MAPK4: variants seen among roughly 807,000 people sequenced by gnomAD.
MAPK4 encodes the protein mitogen-activated protein kinase 4, also known as Erk3-related.
A neutral mutation model predicts 47.7 loss-of-function variants in MAPK4; 22 were observed. That is an observed-to-expected ratio of 0.46 (90% CI 0.33 to 0.66). MAPK4 has a LOEUF of 0.66. Ranked by LOEUF, MAPK4 falls within the 30% of genes least tolerant of loss-of-function variation. MAPK4 has a pLI of 0.02. For synonymous variants in MAPK4, 390 were observed against 365.7 expected, an observed-to-expected ratio of 1.07 and a Z score of -0.76; for missense variants, 736 against 831.7, an observed-to-expected ratio of 0.88 and a Z score of 1.42.
chr18:50,651,816 G>C (rs370683396), intron 1 of MAPK4, among the ~76,000 whole-genome samples: 4 of 152,116 alleles, frequency 2.6e-5, no homozygotes, highest in African/African-American at 9.7e-5. Context: ...TGATGCTCCC[G>C]CCAGTCTCCA....
At chr18:50,651,163 G>C (rs543607469) in intron 1 of MAPK4, among the ~76,000 whole-genome samples, 2 of 152,220 alleles carry the variant, frequency 1.3e-5, no homozygotes, top group African/African-American at 2.4e-5. Context: ...TGGGGTTCCC[G>C]TTGAGGCTCT....
intron 2 of MAPK4, among the ~76,000 whole-genome samples, chr18:50,690,760 C>T (rs377743323): frequency 1.5e-4 from 23 of 152,316 alleles, no homozygotes; most frequent in African/African-American, 5.5e-4. Context: ...TGAGGAACGA[C>T]ATTCACTCTG....
chr18:50,626,981 C>T (rs1442157805), intron 1 of MAPK4, among the ~76,000 whole-genome samples: 6 of 152,286 alleles, frequency 3.9e-5, no homozygotes, highest in East Asian at 3.9e-4. Context: ...GTCATTAGGC[C>T]TTGTCACTGT....
rs1908325916 is a variant in MAPK4 at position 50,677,273 on chromosome 18, C to G, written c.546+12769C>G. Among the ~76,000 whole-genome samples, 4 of 152,302 alleles carry G rather than the reference C, an allele frequency of 2.6e-5. No individual in the cohort carries two copies. The South Asian group carries it at 8.3e-4, about 32-fold the overall frequency. ...GACTGCTGGGCTAGAAGTAAAAACT[C>G]CAAAATGTTAACAATGGTTCGACAA... On this transcript the variant is annotated intron_variant, in intron 2 of 5. Coordinates refer to ENST00000400384, the MANE Select transcript of MAPK4 (RefSeq NM_002747.4).
intron 2 of MAPK4, among the ~76,000 whole-genome samples, chr18:50,690,641 G>T (rs1466084307): frequency 2.0e-5 from 3 of 152,180 alleles, no homozygotes; most frequent in Non-Finnish European, 2.9e-5. Flanking sequence ...TTTCAATTTT[G>T]GAAAAAGAAA....
intron 1 of MAPK4, among the ~76,000 whole-genome samples, chr18:50,586,990 T>G (rs16952182): frequency 0.041 from 6,188 of 152,286 alleles, 454 homozygotes; most frequent in African/African-American, 0.14. Context: ...AATAAAATTA[T>G]GAAATGACAG....
intron 1 of MAPK4, among the ~76,000 whole-genome samples, chr18:50,601,934 G>T (rs1290778069): frequency 6.6e-6 from 1 of 152,086 alleles, no homozygotes. Flanking sequence ...TCATGCTTGT[G>T]TTCCCTCCAT....
rs1191651960 is a variant in MAPK4, at chr18:50,590,124, A to AT, written c.-871+29886dup. On this transcript the variant is annotated intron_variant, in intron 1 of 5. Coordinates refer to ENST00000400384, the MANE Select transcript of MAPK4 (RefSeq NM_002747.4). ...TTCAGTGTTTCTCCCTGTCTTCCAC[A>AT]TTTTTCAGCCTATAATAGGCCTATC... is the stretch of plus-strand genomic sequence containing the variant. Among the ~76,000 whole-genome samples the AT allele has an allele frequency of 2.0e-5, 3 of 152,218 alleles. No individual in the cohort carries two copies. The East Asian group carries it at 5.8e-4, about 29-fold the overall frequency.
intron 1 of MAPK4, among the ~76,000 whole-genome samples, chr18:50,627,184 G>A (rs1252715654): frequency 6.6e-6 from 1 of 152,060 alleles, no homozygotes; most frequent in Non-Finnish European, 1.5e-5. Flanking sequence ...ACTTGGACCA[G>A]CCTTGGGGAA....
At chr18:50,712,545 T>A (rs1313570646) in intron 2 of MAPK4, among the ~76,000 whole-genome samples, 5 of 143,448 alleles carry the variant, frequency 3.5e-5, no homozygotes, top group Admixed American at 7.0e-5. Flanking sequence ...TGTTTTTCAT[T>A]AAAAAAAAAA....
chr18:50,660,261 G>A (rs1598879597), intron 1 of MAPK4, among the ~76,000 whole-genome samples: 1 of 152,232 alleles, frequency 6.6e-6, no homozygotes, highest in South Asian at 2.1e-4. Context: ...ACAAGAGGCT[G>A]CCTGATTAGA....
At chr18:50,659,571 TA>T (rs2043147459) in intron 1 of MAPK4, among the ~76,000 whole-genome samples, 1 of 152,208 alleles carries the variant, frequency 6.6e-6, no homozygotes, top group African/African-American at 2.4e-5. Flanking sequence ...CTCCGCATGT[TA>T]AAAGGCTGGA....
In MAPK4 at chr18:50,678,671, A is replaced by G. The variant is rs533408617; in HGVS notation, c.546+14167A>G. On this transcript the variant is annotated intron_variant, in intron 2 of 5. Transcript: ENST00000400384. The surrounding 1 kb of genome is among the most constrained non-coding windows in gnomAD (Gnocchi z 4.2). Reference sequence around the variant, plus strand: ...TTTTCAATAATTCCCAAAAATATATAAAATGAACAGGCCTTGGTCCCACAG... The same window carrying G: ...TTTTCAATAATTCCCAAAAATATATGAAATGAACAGGCCTTGGTCCCACAG... Among the ~76,000 whole-genome samples, 1 of 152,336 alleles carries G rather than the reference A, an allele frequency of 6.6e-6. No individual in the cohort carries two copies. The highest frequency in any genetic ancestry group is 2.4e-5 in the African/African-American group (1 of 41,556).
At chr18:50,679,771 G>C (rs979114044) in intron 2 of MAPK4, among the ~76,000 whole-genome samples, 2 of 152,220 alleles carry the variant, frequency 1.3e-5, no homozygotes, top group African/African-American at 4.8e-5. Context: ...TGGAAGCTTG[G>C]AGAACAAAGC....
At chr18:50,619,607 G>A (rs1208460325) in intron 1 of MAPK4, among the ~76,000 whole-genome samples, 2 of 152,146 alleles carry the variant, frequency 1.3e-5, no homozygotes, top group Non-Finnish European at 2.9e-5. Flanking sequence ...GGGATTACAG[G>A]CGTGAGCCAC....
At chr18:50,561,414 T>C (rs1049033778) in intron 1 of MAPK4, among the ~76,000 whole-genome samples, 1 of 152,208 alleles carries the variant, frequency 6.6e-6, no homozygotes, top group East Asian at 1.9e-4. Context: ...TGCAGACTTT[T>C]CAATTGAATG....
At chr18:50,696,874 A>G (rs1909541148) in intron 2 of MAPK4, among the ~76,000 whole-genome samples, 1 of 152,106 alleles carries the variant, frequency 6.6e-6, no homozygotes, top group Admixed American at 6.6e-5. Context: ...CCTTGCACAC[A>G]TTTGGAGGAG....
At chr18:50,627,375 A>G (rs578179534) in intron 1 of MAPK4, among the ~76,000 whole-genome samples, 2 of 152,320 alleles carry the variant, frequency 1.3e-5, no homozygotes, top group East Asian at 1.9e-4. Flanking sequence ...ATGGATAGCA[A>G]TAGTTCCTTG....
At chr18:50,717,408 G>A (rs961661004) in intron 3 of MAPK4, among the ~76,000 whole-genome samples, 7 of 152,222 alleles carry the variant, frequency 4.6e-5, no homozygotes, top group African/African-American at 1.4e-4. Flanking sequence ...CAGCTTACAG[G>A]AGGCATGGCC....
Sources: allele counts gnomAD v4.1 joint callset (sites outside exome capture counted in the v4.1 genomes callset), GRCh38; gene constraint gnomAD v4.1.1; non-coding constraint Gnocchi (gnomAD v3.1); transcripts MANE v1.5; gene names NCBI Gene and HGNC (gene_info 2026-07-23, HGNC 2026-07-21).